The following SFMBT1 variants were observed in gnomAD, a reference collection of about 807,000 sequenced individuals.
The protein encoded by SFMBT1 is scm-like with four MBT domains protein 1.
In SFMBT1, 32 loss-of-function variants were observed where a neutral mutation model predicts 108.7. That is an observed-to-expected ratio of 0.29 (90% CI 0.22 to 0.40). The LOEUF (loss-of-function observed/expected upper bound fraction) is 0.40, where lower values mean the gene tolerates loss of function less well. SFMBT1 is among the 10% of genes least tolerant of loss of function. The pLI, the probability that SFMBT1 is intolerant of heterozygous loss-of-function variation, is 1.00. For synonymous variants in SFMBT1, 348 were observed against 369.5 expected, an observed-to-expected ratio of 0.94 and a Z score of 0.67; for missense variants, 816 against 1,059.6, an observed-to-expected ratio of 0.77 and a Z score of 3.19.
At chr3:52,949,084 C>T (rs529825510) in intron 3 of SFMBT1, among the ~76,000 whole-genome samples, 3 of 152,136 alleles carry the variant, frequency 2.0e-5, no homozygotes, top group Admixed American at 2.0e-4. Context: ...GTGTTATTCA[C>T]AAGTGTGTTG....
rs1702027510 is a variant in SFMBT1 at position 52,904,944 on chromosome 3, A to G, written c.*192T>C. ...AACAAGAGATGTCCACATTTCCACC[A>G]GCAGGTGATCCACTTCTGTGCACAG... On this transcript the variant is annotated 3_prime_UTR_variant, in exon 21 of 21. Transcript: ENST00000394752. 1 of 549,382 alleles carries G rather than the reference A, an allele frequency of 1.8e-6. No homozygotes were observed. The highest frequency in any genetic ancestry group is 3.9e-5 in the Admixed American group (1 of 25,940). The allele number at this position is 549,382 out of a possible 1,614,324, so 34.0% of individuals were successfully genotyped here. A position where few individuals can be genotyped will look rare whatever the true frequency, so the allele number is the denominator to read the frequency against.
Position 53,001,925 on chromosome 3 carries a change from T to TCTCACACACACA in SFMBT1, c.-130-32668_-130-32667insTGTGTGTGTGAG, listed in dbSNP as rs1448849638. ...GGGCAACAGAGCAAGACCCAGTCTC[T>TCTCACACACACA]CACACACACACACACACACACACAC... On this transcript the variant is annotated intron_variant, in intron 1 of 20. Transcript: ENST00000394752. 4.3e-3 allele frequency among the ~76,000 whole-genome samples: 562 copies of TCTCACACACACA among 129,230 alleles called. 15 individuals are homozygous for TCTCACACACACA. Among genetic ancestry groups the TCTCACACACACA allele is most frequent in the African/African-American group, 0.014 (518 of 35,826 alleles). 84.8% of individuals were successfully genotyped at this position (129,230 alleles called of 152,430 possible). A position where few individuals can be genotyped will look rare whatever the true frequency, so the allele number is the denominator to read the frequency against.
At chr3:52,957,562 A>G (rs1452676783) in intron 2 of SFMBT1, among the ~76,000 whole-genome samples, 1 of 152,256 alleles carries the variant, frequency 6.6e-6, no homozygotes, top group East Asian at 1.9e-4. Flanking sequence ...CTGACTTCAA[A>G]CTATACTACA....
At chr3:52,937,675 C>T (rs1703057803) in intron 4 of SFMBT1, among the ~76,000 whole-genome samples, 2 of 151,976 alleles carry the variant, frequency 1.3e-5, no homozygotes, top group South Asian at 2.1e-4. Flanking sequence ...CTCCGCCTCC[C>T]GGGTCCAAGT....
Position 52,954,430 on chromosome 3 carries a change from C to T in SFMBT1, c.29-19G>A. The T allele has an allele frequency of 6.4e-7, 1 of 1,567,758 alleles. No homozygotes were observed. Among genetic ancestry groups the T allele is most frequent in the Non-Finnish European group, 8.7e-7 (1 of 1,144,196 alleles). ...CCGGCATCTAGAATTAAAAATAAAA[C>T]AAAAACAGGTGAATCCCAATTAAAG... is the stretch of plus-strand genomic sequence containing the variant. On this transcript the variant is annotated intron_variant, in intron 2 of 20. Transcript: ENST00000394752.
chr3:52,965,489 C>T (rs1018127116), intron 2 of SFMBT1, among the ~76,000 whole-genome samples: 13 of 151,576 alleles, frequency 8.6e-5, no homozygotes, highest in South Asian at 2.1e-4. Context: ...CAAAGCGTTG[C>T]GGGTGGGAGG....
At chr3:52,924,606 C>T (rs754969913) in intron 10 of SFMBT1, among the ~76,000 whole-genome samples, 8 of 151,996 alleles carry the variant, frequency 5.3e-5, no homozygotes, top group Non-Finnish European at 1.2e-4. Flanking sequence ...CGTACCACTA[C>T]ACTCCAGCCT....
intron 1 of SFMBT1, among the ~76,000 whole-genome samples, chr3:53,043,446 G>A (rs1052513913): frequency 6.6e-6 from 1 of 152,070 alleles, no homozygotes; most frequent in African/African-American, 2.4e-5. Context: ...AAAGCTTTAC[G>A]CACACATTCT....
At chr3:52,951,248 G>T (rs561654716) in intron 3 of SFMBT1, among the ~76,000 whole-genome samples, 2 of 140,536 alleles carry the variant, frequency 1.4e-5, no homozygotes, top group African/African-American at 5.3e-5. Flanking sequence ...TGCAAGCAAG[G>T]ATAGAGAGGA....
intron 1 of SFMBT1, chr3:53,019,082 G>A (rs755942776): frequency 4.6e-5 from 7 of 152,178 alleles, no homozygotes; most frequent in Non-Finnish European, 1.0e-4. Context: ...TTGAGCCCAG[G>A]AGCTTGAGAC....
intron 4 of SFMBT1, among the ~76,000 whole-genome samples, chr3:52,940,456 G>C (rs1241699513): frequency 6.6e-6 from 1 of 152,076 alleles, no homozygotes; most frequent in Non-Finnish European, 1.5e-5. Context: ...GACAGTTTCA[G>C]GATCAAAAGA....
intron 1 of SFMBT1, among the ~76,000 whole-genome samples, chr3:53,011,112 C>T (rs1166703401): frequency 6.6e-6 from 1 of 152,284 alleles, no homozygotes; most frequent in East Asian, 1.9e-4. Context: ...AAATGCAAGG[C>T]TTTTCAAAAT....
At chr3:52,981,529 ATT>A (rs34406724) in intron 1 of SFMBT1, among the ~76,000 whole-genome samples, 26,545 of 132,874 alleles carry the variant, frequency 0.2, 2,478 homozygotes, top group South Asian at 0.28. Context: ...TGCTCAGCTA[ATT>A]TTTTTTTTTT....
intron 2 of SFMBT1, among the ~76,000 whole-genome samples, chr3:52,959,889 C>T (rs1295877986): frequency 6.6e-6 from 1 of 151,848 alleles, no homozygotes; most frequent in East Asian, 1.9e-4. Flanking sequence ...TTGACGTATT[C>T]CTTCAGAACA....
At chr3:52,920,787 G>A in intron 11 of SFMBT1, 137 bp from the exon 12 acceptor site, 1 of 592,846 alleles carries the variant, frequency 1.7e-6, no homozygotes, top group Non-Finnish European at 2.9e-6. Context: ...TGACACAGAA[G>A]TCATACATTT....
rs367727549 is a variant in SFMBT1, at chr3:52,945,136, T to TAAAAA, written c.124-1548_124-1544dup. On this transcript the variant is annotated intron_variant, in intron 3 of 20. Coordinates refer to ENST00000394752, the MANE Select transcript of SFMBT1 (RefSeq NM_016329.4). ...TGATTTCCAAATACCACCTTCCAAT[T>TAAAAA]AAAAAAAAAAAAAAACAAGGACTTC... 5.5e-3 allele frequency among the ~76,000 whole-genome samples: 267 copies of TAAAAA among 48,534 alleles called. 58 individuals are homozygous for TAAAAA. The highest frequency in any genetic ancestry group is 0.021 in the South Asian group (16 of 774). The allele number at this position is 48,534 out of a possible 152,430, so 31.8% of individuals were successfully genotyped here.
chr3:52,938,598 C>T (rs997165585), intron 4 of SFMBT1, among the ~76,000 whole-genome samples: 4 of 150,622 alleles, frequency 2.7e-5, no homozygotes, highest in African/African-American at 9.7e-5. Context: ...CTTTTACTCC[C>T]AGTTAACATT....
chr3:53,045,074 G>A (rs1390707948), intron 1 of SFMBT1: 1 of 152,134 alleles, frequency 6.6e-6, no homozygotes, highest in Admixed American at 6.5e-5. Context: ...CGGACTTTAG[G>A]AACAGAAATC....
chr3:52,989,177 A>G (rs1192830820), intron 1 of SFMBT1, among the ~76,000 whole-genome samples: 4 of 152,148 alleles, frequency 2.6e-5, no homozygotes, highest in South Asian at 2.1e-4. Flanking sequence ...CTTAAATGCA[A>G]TATTACAAAG....
Sources: gnomAD v4.1 joint callset for allele counts (sites outside exome capture counted in the v4.1 genomes callset) on GRCh38, gnomAD v4.1.1 for gene constraint, MANE v1.5 for transcripts, NCBI Gene and HGNC (gene_info 2026-07-23, HGNC 2026-07-21) for gene names.